Variants in NEK1 observed in about 807,000 individuals in gnomAD.
The protein encoded by NEK1 is NIMA related kinase 1.
Under a neutral mutation model 182.1 loss-of-function variants are expected in NEK1, and 137 were observed. The ratio of observed to expected loss-of-function variants is 0.75; its 90% CI spans 0.65 to 0.87. The LOEUF is 0.87. NEK1 is among the 40% of genes least tolerant of loss of function. NEK1 has a pLI of 0.00. For synonymous variants in NEK1, 513 were observed against 492.2 expected (o/e 1.04, Z -0.56); for missense variants, 1,391 against 1,494.4 (o/e 0.93, Z 1.14).
At chr4:169,553,918 G>C (rs965006132) in intron 18 of NEK1, 4 of 152,178 alleles carry the variant, frequency 2.6e-5, no homozygotes, top group African/African-American at 7.2e-5. Flanking sequence ...AGCCACTTTG[G>C]AAGACAGCTT....
chr4:169,473,037 T>C lies in NEK1; in HGVS notation c.2434+4087A>G, dbSNP rs377365719. Reference sequence around the variant, plus strand: ...ACTTTGGGAGATGGAGGGAGGAGGATTGTATGAGGCCAGGAGTTCAAAAGC... The same window carrying C: ...ACTTTGGGAGATGGAGGGAGGAGGACTGTATGAGGCCAGGAGTTCAAAAGC... On this transcript the variant is annotated intron_variant, in intron 26 of 35. Transcript: ENST00000507142. Among the ~76,000 whole-genome samples the C allele has an allele frequency of 4.0e-4, 61 of 151,240 alleles. 1 individual carries two copies. The South Asian group carries it at 7.7e-3, about 19-fold the overall frequency.
intron 29 of NEK1, among the ~76,000 whole-genome samples, chr4:169,427,294 T>C (rs1342486561): frequency 6.6e-6 from 1 of 151,866 alleles, no homozygotes; most frequent in African/African-American, 2.4e-5. Flanking sequence ...GCCCGGCTAA[T>C]TTTTTATATT....
At chr4:169,456,418 CAA>C (rs1420093127) in intron 27 of NEK1, among the ~76,000 whole-genome samples, 3 of 151,958 alleles carry the variant, frequency 2.0e-5, no homozygotes, top group Non-Finnish European at 4.4e-5. Context: ...TAAATGAAAT[CAA>C]AAGTTGGCTT....
chr4:169,450,270 G>A (rs899773197), intron 27 of NEK1, among the ~76,000 whole-genome samples: 3 of 152,194 alleles, frequency 2.0e-5, no homozygotes, highest in Non-Finnish European at 4.4e-5. Context: ...ATATTATCCA[G>A]GAGAACTTCC....
chr4:169,495,477 C>T (rs1262727903), intron 23 of NEK1, among the ~76,000 whole-genome samples: 5 of 152,124 alleles, frequency 3.3e-5, no homozygotes, highest in Admixed American at 6.5e-5. Flanking sequence ...CTCCTGACCT[C>T]GTGATCCGCC....
intron 23 of NEK1, among the ~76,000 whole-genome samples, chr4:169,489,757 T>C (rs1290235706): frequency 1.3e-5 from 2 of 152,078 alleles, no homozygotes; most frequent in African/African-American, 2.4e-5. Flanking sequence ...CTCTAGAACA[T>C]CTCTTCTTCT....
chr4:169,480,197 A>C (rs1358818709), intron 23 of NEK1, among the ~76,000 whole-genome samples: 4 of 152,154 alleles, frequency 2.6e-5, no homozygotes, highest in African/African-American at 9.6e-5. Context: ...CTAGGAAACA[A>C]GACTTTCTGG....
At chr4:169,511,869 T>C (rs1030063009) in intron 19 of NEK1, among the ~76,000 whole-genome samples, 1 of 152,116 alleles carries the variant, frequency 6.6e-6, no homozygotes, top group Non-Finnish European at 1.5e-5. Flanking sequence ...ATGTGTCCTT[T>C]TGAGACTGAG....
chr4:169,562,199 G>C lies in NEK1; in HGVS notation c.1021-3C>G, dbSNP rs1380006412. The C allele has an allele frequency of 1.3e-6, 2 of 1,522,218 alleles. No homozygotes were observed. The highest frequency in any genetic ancestry group is 1.8e-6 in the Non-Finnish European group (2 of 1,132,910). The allele number at this position is 1,522,218 out of a possible 1,614,324, so 94.3% of individuals were successfully genotyped here. A position where few individuals can be genotyped will look rare whatever the true frequency, so the allele number is the denominator to read the frequency against. On this transcript the variant is annotated splice_region_variant and splice_polypyrimidine_tract_variant and intron_variant, in intron 12 of 35. Coordinates refer to ENST00000507142, the MANE Select transcript of NEK1 (RefSeq NM_001199397.3). ...CTCTTCTCTGGAGTTTGATGGGCCTGGACAAAAAGTAAAACTACAAATTAA... is the reference window on the plus strand; with the variant it reads ...CTCTTCTCTGGAGTTTGATGGGCCTCGACAAAAAGTAAAACTACAAATTAA...
chr4:169,489,338 A>G (rs1021112051), intron 23 of NEK1, among the ~76,000 whole-genome samples: 1 of 152,186 alleles, frequency 6.6e-6, no homozygotes, highest in African/African-American at 2.4e-5. Flanking sequence ...TGACATCAGC[A>G]GGATGGCAAA....
chr4:169,417,236 G>A (rs1025849607), intron 31 of NEK1, among the ~76,000 whole-genome samples: 5 of 152,174 alleles, frequency 3.3e-5, no homozygotes, highest in Non-Finnish European at 7.3e-5. Flanking sequence ...GTGTATCAAA[G>A]GAAAATGTTA....
intron 31 of NEK1, among the ~76,000 whole-genome samples, chr4:169,421,572 A>C (rs2111296052): frequency 6.6e-6 from 1 of 152,030 alleles, no homozygotes; most frequent in African/African-American, 2.4e-5. Context: ...GACAATTTAA[A>C]AGTGTGTGGC....
In NEK1 at chr4:169,437,222, A is replaced by G. The variant is rs942795357; in HGVS notation, c.2764+861T>C. Among the ~76,000 whole-genome samples, 4 of 1,838 alleles carry G rather than the reference A, an allele frequency of 2.2e-3. No homozygotes were observed. The East Asian group carries it at 0.034, about 16-fold the overall frequency. 1.2% of individuals were successfully genotyped at this position (1,838 alleles called of 152,430 possible). The stretch of plus-strand genomic sequence containing the variant: ...TTGCACATATGGAAAACAAATAACT[A>G]ATTTTTTTTTTTACTCATAGGTCTT... On this transcript the variant is annotated intron_variant, in intron 28 of 35. Coordinates refer to ENST00000507142, the MANE Select transcript of NEK1 (RefSeq NM_001199397.3).
intron 9 of NEK1, among the ~76,000 whole-genome samples, chr4:169,586,992 G>A (rs1191136134): frequency 6.6e-6 from 1 of 151,910 alleles, no homozygotes; most frequent in Non-Finnish European, 1.5e-5. Flanking sequence ...GGTAAAAAAT[G>A]TTAATCACTT....
intron 23 of NEK1, among the ~76,000 whole-genome samples, chr4:169,498,632 TGTAAA>T (rs1419938752): frequency 3.3e-5 from 5 of 152,218 alleles, no homozygotes; most frequent in African/African-American, 4.8e-5. Context: ...TTTGCTTGTC[TGTAAA>T]GTATTTTATT....
At chr4:169,432,921 C>A (rs1317881210) in intron 29 of NEK1, among the ~76,000 whole-genome samples, 1 of 152,064 alleles carries the variant, frequency 6.6e-6, no homozygotes, top group Non-Finnish European at 1.5e-5. Context: ...TTATAGGCAC[C>A]CGCCGCCATG....
intron 19 of NEK1, among the ~76,000 whole-genome samples, chr4:169,530,994 G>A (rs2149789464): frequency 6.6e-6 from 1 of 150,672 alleles, no homozygotes; most frequent in East Asian, 2.0e-4. Flanking sequence ...AAGTCATCTG[G>A]TAGAATTATC....
chr4:169,600,913 T>C (rs1007896017), intron 4 of NEK1, among the ~76,000 whole-genome samples: 1 of 152,178 alleles, frequency 6.6e-6, no homozygotes, highest in Admixed American at 6.5e-5. Flanking sequence ...GCAGTCAATA[T>C]AAATCCAAAA....
intron 12 of NEK1, among the ~76,000 whole-genome samples, chr4:169,563,076 C>G (rs562855856): frequency 6.6e-6 from 1 of 152,032 alleles, no homozygotes; most frequent in Non-Finnish European, 1.5e-5. Context: ...TATTTGGGGG[C>G]GGGACTGATG....
Sources: gnomAD v4.1 joint callset for allele counts (sites outside exome capture counted in the v4.1 genomes callset) on GRCh38, gnomAD v4.1.1 for gene constraint, MANE v1.5 for transcripts, NCBI Gene and HGNC (gene_info 2026-07-23, HGNC 2026-07-21) for gene names.